The following NASP variants were observed in gnomAD, a reference collection of about 807,000 sequenced individuals.
NASP encodes NASP histone chaperone.
NASP carries 24 observed loss-of-function variants against 89.5 expected under a neutral mutation model. The ratio of observed to expected loss-of-function variants is 0.27; its 90% CI spans 0.19 to 0.38. The LOEUF is 0.38. Among genes scored for constraint, NASP ranks in the 10% least tolerant of loss-of-function variants. The pLI is 1.00. For synonymous variants in NASP, 306 were observed against 324.7 expected (o/e 0.94, Z 0.62); for missense variants, 848 against 921.4 (o/e 0.92, Z 1.03).
rs371106743 is a variant in NASP at position 45,606,339 on chromosome 1, C to G, written c.300-143C>G. 186 of 585,792 alleles carry G rather than the reference C, an allele frequency of 3.2e-4. 1 individual carries two copies. Among genetic ancestry groups the G allele is most frequent in the South Asian group, 1.3e-3 (59 of 45,454 alleles). The allele number at this position is 585,792 out of a possible 1,614,324, so 36.3% of individuals were successfully genotyped here. ...TATATTACTAAAGTTTTGATCATTG[C>G]TTCCTTGAATATACATAGTTTTGTA... On this transcript the variant is annotated intron_variant, in intron 4 of 14. Transcript: ENST00000350030.
At chr1:45,588,392 C>T (rs1458297889) in intron 1 of NASP, among the ~76,000 whole-genome samples, 1 of 152,144 alleles carries the variant, frequency 6.6e-6, no homozygotes, top group African/African-American at 2.4e-5. Flanking sequence ...GCGTTAGCCA[C>T]CGTGCCCAGG....
chr1:45,608,456 G>A lies in NASP; in HGVS notation c.1426+119G>A, dbSNP rs1031685134. Reference sequence around the variant, plus strand: ...TCCGTCTGCCTTTGGATTAGGAAAGGGCTAAATGAAAAGGGGGGTAGTTTA... The same window carrying A: ...TCCGTCTGCCTTTGGATTAGGAAAGAGCTAAATGAAAAGGGGGGTAGTTTA... On this transcript the variant is annotated intron_variant, in intron 6 of 14. Coordinates refer to ENST00000350030, the MANE Select transcript of NASP (RefSeq NM_002482.4). 2.7e-5 allele frequency: 29 copies of A among 1,056,964 alleles called. No individual in the cohort carries two copies. The African/African-American group carries it at 4.6e-4, about 17-fold the overall frequency. The allele number at this position is 1,056,964 out of a possible 1,614,324, so 65.5% of individuals were successfully genotyped here.
chr1:45,604,695 A>G (rs1643887750), intron 3 of NASP, among the ~76,000 whole-genome samples: 1 of 152,214 alleles, frequency 6.6e-6, no homozygotes, highest in Non-Finnish European at 1.5e-5. Context: ...TTGGCCCTAC[A>G]TTATGTATTA....
intron 2 of NASP, among the ~76,000 whole-genome samples, chr1:45,592,212 C>T (rs906626234): frequency 8.5e-5 from 13 of 152,174 alleles, no homozygotes; most frequent in South Asian, 4.1e-4. Context: ...CTTGAACTCC[C>T]GACCTCAGGT....
At position 45,618,399 on chromosome 1, in the gene NASP, T is replaced by C. The variant is rs1644146530; in HGVS notation, c.*258T>C. The C allele has an allele frequency of 3.1e-6, 1 of 320,254 alleles. No individual in the cohort carries two copies. Among genetic ancestry groups the C allele is most frequent in the Non-Finnish European group, 6.0e-6 (1 of 167,148 alleles). 19.8% of individuals were successfully genotyped at this position (320,254 alleles called of 1,614,324 possible). On this transcript the variant is annotated 3_prime_UTR_variant, in exon 15 of 15. Coordinates refer to ENST00000350030, the MANE Select transcript of NASP (RefSeq NM_002482.4). ...TCCTATCTGTCTAACGTGGAGGTGA[T>C]CAAGTGTGGCTGTAGGCCTTTGTTT...
chr1:45,588,518 G>T (rs1052767759), intron 1 of NASP: 11 of 340,128 alleles, frequency 3.2e-5, no homozygotes, highest in African/African-American at 2.5e-4. Flanking sequence ...CAAAGTGCAG[G>T]GATTATAGCT....
intron 2 of NASP, among the ~76,000 whole-genome samples, chr1:45,595,001 T>C (rs1013181248): frequency 6.6e-6 from 1 of 152,138 alleles, no homozygotes; most frequent in African/African-American, 2.4e-5. Context: ...CTTCTTTTTT[T>C]TCCCCCCTTG....
chr1:45,588,726 C>T (rs1473473058), intron 1 of NASP: 2 of 377,062 alleles, frequency 5.3e-6, no homozygotes, highest in South Asian at 1.9e-5. Flanking sequence ...ATCACGAGGT[C>T]AGGAGATCGA....
At chr1:45,596,068 C>A (rs2148340157) in intron 2 of NASP, among the ~76,000 whole-genome samples, 1 of 152,244 alleles carries the variant, frequency 6.6e-6, no homozygotes, top group South Asian at 2.1e-4. Flanking sequence ...ATACAGTGAG[C>A]CTGTCACTTT....
At chr1:45,590,607 C>G (rs1157311927) in intron 1 of NASP, among the ~76,000 whole-genome samples, 2 of 145,498 alleles carry the variant, frequency 1.4e-5, no homozygotes, top group Admixed American at 6.8e-5. Flanking sequence ...TACAATGATA[C>G]TTAATAGTGT....
intron 2 of NASP, among the ~76,000 whole-genome samples, chr1:45,601,879 C>T (rs574968722): frequency 4.0e-5 from 6 of 150,926 alleles, no homozygotes; most frequent in Admixed American, 6.6e-5. Context: ...CTCAGCCTCC[C>T]GTAGCTGGGA....
At position 45,608,103 on chromosome 1, in the gene NASP, A is replaced by G. The variant is rs968830350; in HGVS notation, c.1192A>G (p.Ile398Val). The G allele has an allele frequency of 6.2e-7, 1 of 1,614,062 alleles. No homozygotes were observed. The highest frequency in any genetic ancestry group is 8.5e-7 in the Non-Finnish European group (1 of 1,179,914). ...DQTPIEPQTS[I>V]ERLTETKDGS... is the part of the protein sequence containing the mutation. ...GACTCCTATTGAACCACAGACTTCT[A>G]TAGAAAGACTGACAGAAACAAAAGA... The change falls in exon 6 of 15, where the codon ATA (isoleucine) becomes GTA (valine). Residue 398 changes from isoleucine to valine, a missense_variant. Physicochemically the swap from Ile to Val is conservative, Grantham distance 29. This residue lies in a region of NASP where 464 missense variants were observed against 469.4 expected (regional missense o/e 0.99). Coordinates refer to ENST00000350030, the MANE Select transcript of NASP (RefSeq NM_002482.4).
At chr1:45,603,509 A>G (rs1374607336) in intron 3 of NASP, among the ~76,000 whole-genome samples, 1 of 151,934 alleles carries the variant, frequency 6.6e-6, no homozygotes, top group Admixed American at 6.6e-5. Context: ...ATCTGCAAAA[A>G]TCTTTTGTCT....
intron 2 of NASP, among the ~76,000 whole-genome samples, chr1:45,595,127 TTTTGTGTGTGTGTGTGTGTGTGTG>T (rs1049736505): frequency 3.1e-5 from 4 of 129,428 alleles, no homozygotes; most frequent in African/African-American, 1.2e-4. Context: ...CCAGACTAAG[TTTTGTGTGTGTGTGTGTGTGTGTG>T]TGTGTGTGTG....
At chr1:45,611,855 C>CTTTTTTT (rs997981433) in intron 6 of NASP, 3 of 105,200 alleles carry the variant, frequency 2.9e-5, no homozygotes, top group African/African-American at 1.2e-4. Flanking sequence ...GTTAAAGTAT[C>CTTTTTTT]TTTTTTTTTT....
chr1:45,613,785 G>A (rs1644057070), intron 7 of NASP, among the ~76,000 whole-genome samples: 1 of 152,172 alleles, frequency 6.6e-6, no homozygotes, highest in African/African-American at 2.4e-5. Flanking sequence ...ACCATGCCCA[G>A]CCCTAGGCAT....
At position 45,586,270 on chromosome 1, in the gene NASP, GTGTGTGTGTGTGTGGT is replaced by G. The variant is rs1447844882; in HGVS notation, c.59+2066_59+2081del. 7.2e-3 allele frequency among the ~76,000 whole-genome samples: 447 copies of G among 62,238 alleles called. 3 individuals are homozygous for G. Among genetic ancestry groups the G allele is most frequent in the South Asian group, 0.022 (48 of 2,184 alleles). The allele number at this position is 62,238 out of a possible 152,430, so 40.8% of individuals were successfully genotyped here. ...TGTGTGTGTGTGTGTGTGTGTGTGTGTGTGTGTGTGTGTGGTGTGTGTGTGTGTGTGTGTGTGTGGT... is the reference window on the plus strand; with the variant it reads ...TGTGTGTGTGTGTGTGTGTGTGTGTGGTGTGTGTGTGTGTGTGTGTGTGGT... On this transcript the variant is annotated intron_variant, in intron 1 of 14. Coordinates refer to ENST00000350030, the MANE Select transcript of NASP (RefSeq NM_002482.4).
chr1:45,600,785 A>G, intron 2 of NASP, among the ~76,000 whole-genome samples: 1 of 152,246 alleles, frequency 6.6e-6, no homozygotes, highest in Middle Eastern at 3.2e-3. Context: ...TGATTCTACC[A>G]TTACATTCTT....
Position 45,607,640 on chromosome 1 carries a change from A to G in NASP, c.729A>G (p.Lys243=), listed in dbSNP as rs1643930667. The G allele has an allele frequency of 6.2e-7, 1 of 1,614,194 alleles. No individual in the cohort carries two copies. Among genetic ancestry groups the G allele is most frequent in the Non-Finnish European group, 8.5e-7 (1 of 1,180,036 alleles). ...EQEVPDAEEE[K]SVSGTDVQEE... ...AAGTACCAGATGCTGAGGAAGAAAA[A>G]TCAGTTTCTGGAACTGATGTCCAAG... The change falls in exon 6 of 15, where the codon AAA becomes AAG. Residue 243 remains lysine, a synonymous_variant. Transcript: ENST00000350030.
Sources: gnomAD v4.1 joint callset for allele counts (sites outside exome capture counted in the v4.1 genomes callset) on GRCh38, gnomAD v4.1.1 for gene constraint, gnomAD v4.1.1 regional missense constraint, MANE v1.5 for transcripts, NCBI Gene and HGNC (gene_info 2026-07-23, HGNC 2026-07-21) for gene names.